The following MYOM2 variants were observed in gnomAD, a reference collection of about 807,000 sequenced individuals.
The protein encoded by MYOM2 is myomesin 2.
MYOM2 carries 254 observed loss-of-function variants against 187.6 expected under a neutral mutation model. The observed-to-expected ratio is 1.35, with a 90% confidence interval of 1.22 to 1.50. MYOM2 has a LOEUF of 1.50. Among genes scored for constraint, MYOM2 ranks in the 40% most tolerant of loss-of-function variants. MYOM2 has a pLI of 0.00. For synonymous variants in MYOM2, 981 were observed against 753.8 expected, an observed-to-expected ratio of 1.30 and a Z score of -4.94; for missense variants, 2,796 against 1,924.0, an observed-to-expected ratio of 1.45 and a Z score of -8.48.
chr8:2,117,885 G>GCC lies in MYOM2; in HGVS notation c.3388_3389dup (p.His1131LeufsTer73). 6.2e-7 allele frequency: 1 copy of GCC among 1,604,252 alleles called. No homozygotes were observed. The highest frequency in any genetic ancestry group is 2.2e-5 in the East Asian group (1 of 44,528). ...TTTTCTTCCCTTTTTTCCTCCCTAGGCCCTCATTTTGCTGAGTACTTGCAC... is the reference window on the plus strand; with the variant it reads ...TTTTCTTCCCTTTTTTCCTCCCTAGGCCCCCTCATTTTGCTGAGTACTTGCAC... On this transcript the variant is annotated frameshift_variant and splice_region_variant, in exon 28 of 37. Coordinates refer to ENST00000262113, the MANE Select transcript of MYOM2 (RefSeq NM_003970.4). LOFTEE classifies it high-confidence loss of function.
rs79278543 is a variant in MYOM2, at chr8:2,106,933, G to C, written c.2998+336G>C. On this transcript the variant is annotated intron_variant, in intron 23 of 36. Coordinates refer to ENST00000262113, the MANE Select transcript of MYOM2 (RefSeq NM_003970.4). ...TCCATGAAATTAATGAGAGACCTAC[G>C]GGTGGAAGAGTCTTCCCTTCCTTCC... Among the ~76,000 whole-genome samples the C allele has an allele frequency of 7.4e-4, 113 of 152,222 alleles. 2 individuals are homozygous for C. In the East Asian group the frequency reaches 0.018, roughly 25 times the overall value.
chr8:2,084,713 G>A (rs1819748930), intron 13 of MYOM2, among the ~76,000 whole-genome samples: 1 of 152,198 alleles, frequency 6.6e-6, no homozygotes, highest in Non-Finnish European at 1.5e-5. Context: ...ATTCAAACAT[G>A]CAGACATAGA....
At chr8:2,094,330 G>A in intron 17 of MYOM2, among the ~76,000 whole-genome samples, 1 of 99,920 alleles carries the variant, frequency 1.0e-5, no homozygotes, top group East Asian at 3.3e-4. Flanking sequence ...AGAAAACATT[G>A]TTGTTGCCAA....
intron 36 of MYOM2, 25 bp downstream of exon 36, chr8:2,143,481 G>A (rs371610303): frequency 5.0e-6 from 8 of 1,614,078 alleles, no homozygotes; most frequent in Middle Eastern, 3.3e-4. Flanking sequence ...CTCGGCCGGG[G>A]TGGGGGTGTC....
chr8:2,057,879 A>T, intron 5 of MYOM2, 99 bp downstream of exon 5: 2 of 1,302,724 alleles, frequency 1.5e-6, no homozygotes, highest in South Asian at 3.0e-5. Flanking sequence ...CCTGTGCTGG[A>T]GGCCACTTAC....
At chr8:2,122,878 C>T (rs946916506) in intron 28 of MYOM2, among the ~76,000 whole-genome samples, 1 of 152,224 alleles carries the variant, frequency 6.6e-6, no homozygotes, top group Non-Finnish European at 1.5e-5. Context: ...ACCAGCTTTA[C>T]AGACCCCTCA....
rs1796708996 is a variant in MYOM2, at chr8:2,101,503, G to C, written c.2619+449G>C. ...CGAGGTGAACCTGTTCAGATGACCG[G>C]GGCGTGGCTGCTGAGGATGCAGCCG... On this transcript the variant is annotated intron_variant, in intron 20 of 36. Transcript: ENST00000262113. 2.6e-5 allele frequency among the ~76,000 whole-genome samples: 4 copies of C among 152,192 alleles called. No individual in the cohort carries two copies. The South Asian group carries it at 8.3e-4, about 31-fold the overall frequency.
intron 3 of MYOM2, among the ~76,000 whole-genome samples, chr8:2,055,882 T>C (rs1341796390): frequency 6.6e-6 from 1 of 152,174 alleles, no homozygotes; most frequent in Non-Finnish European, 1.5e-5. Context: ...TTCTGTGCGA[T>C]GTGGCCCTGG....
At chr8:2,129,853 A>T (rs564096881) in intron 32 of MYOM2, among the ~76,000 whole-genome samples, 110 of 152,278 alleles carry the variant, frequency 7.2e-4, no homozygotes, top group African/African-American at 2.4e-3. Flanking sequence ...CAACCAGGCA[A>T]ACTGCTGGCT....
chr8:2,104,669 C>G (rs1426808944), intron 21 of MYOM2, among the ~76,000 whole-genome samples: 1 of 151,924 alleles, frequency 6.6e-6, no homozygotes, highest in African/African-American at 2.4e-5. Flanking sequence ...GTCTAAGAAG[C>G]ACAGTGCCGG....
At chr8:2,126,507 C>T (rs1028804593) in intron 31 of MYOM2, among the ~76,000 whole-genome samples, 1 of 152,188 alleles carries the variant, frequency 6.6e-6, no homozygotes, top group Non-Finnish European at 1.5e-5. Flanking sequence ...CATGTGAACT[C>T]ACACACTGAC....
At chr8:2,128,137 G>C (rs1376955653) in intron 31 of MYOM2, among the ~76,000 whole-genome samples, 1 of 152,076 alleles carries the variant, frequency 6.6e-6, no homozygotes, top group African/African-American at 2.4e-5. Flanking sequence ...CTTTTCTATA[G>C]AGAAATTAAT....
At chr8:2,131,999 A>G (rs778152704) in intron 32 of MYOM2, among the ~76,000 whole-genome samples, 29 of 152,208 alleles carry the variant, frequency 1.9e-4, no homozygotes, top group Non-Finnish European at 4.0e-4. Flanking sequence ...ACTTCTTACT[A>G]TTTGACTATT....
chr8:2,076,160 A>T lies in MYOM2; in HGVS notation c.1140A>T (p.Thr380=). The change falls in exon 11 of 37, where the codon ACA becomes ACT. Residue 380 remains threonine (T), a synonymous_variant. Coordinates refer to ENST00000262113, the MANE Select transcript of MYOM2 (RefSeq NM_003970.4). The part of the protein sequence containing the change: ...LFVRDADPLV[T]GAPGAPMDLQ... ...CCCAAGATGCTGACCCGCTGGTCAC[A>T]GGGGCCCCCGGTGCACCCATGGACT... The T allele has an allele frequency of 6.2e-7, 1 of 1,612,520 alleles. No individual in the cohort carries two copies.
At chr8:2,121,333 C>T (rs1427879144) in intron 28 of MYOM2, among the ~76,000 whole-genome samples, 1 of 152,038 alleles carries the variant, frequency 6.6e-6, no homozygotes, top group Non-Finnish European at 1.5e-5. Flanking sequence ...GGTGTGTGTG[C>T]ACTCCCAAGG....
At chr8:2,053,022 A>G (rs1818543808) in intron 3 of MYOM2, among the ~76,000 whole-genome samples, 1 of 152,242 alleles carries the variant, frequency 6.6e-6, no homozygotes. Context: ...TTAAGGACAA[A>G]GTGAACAGTT....
chr8:2,131,059 G>C (rs1252147253), intron 32 of MYOM2, among the ~76,000 whole-genome samples: 1 of 152,158 alleles, frequency 6.6e-6, no homozygotes, highest in East Asian at 1.9e-4. Context: ...GCCTTGTGTG[G>C]TTTGTAGTAC....
rs939780641 is a variant in MYOM2 at position 2,079,546 on chromosome 8, C to G, written c.1463-14C>G. 1.2e-5 allele frequency: 20 copies of G among 1,614,046 alleles called. No individual in the cohort carries two copies. The South Asian group carries it at 1.8e-4, about 14-fold the overall frequency. On this transcript the variant is annotated splice_polypyrimidine_tract_variant and intron_variant, in intron 12 of 36. Transcript: ENST00000262113. ...TTCGCATGTCAAATCGAGTGTCAAC[C>G]TTTCTCTCCGCAGCCGTTCATTTGG...
At chr8:2,137,711 C>T (rs1798131225) in intron 32 of MYOM2, among the ~76,000 whole-genome samples, 1 of 152,150 alleles carries the variant, frequency 6.6e-6, no homozygotes, top group African/African-American at 2.4e-5. Flanking sequence ...TTGTGGAACC[C>T]TGTTTCCTTG....
Sources: allele counts gnomAD v4.1 joint callset (sites outside exome capture counted in the v4.1 genomes callset), GRCh38; gene constraint gnomAD v4.1.1; transcripts MANE v1.5; gene names NCBI Gene and HGNC (gene_info 2026-07-23, HGNC 2026-07-21).